The following AFF3 variants were observed in gnomAD, a reference collection of about 807,000 sequenced individuals.
AFF3 encodes the protein AF4/FMR2 family member 3.
A neutral mutation model predicts 129.7 loss-of-function variants in AFF3; 32 were observed. The ratio of observed to expected loss-of-function variants is 0.25; its 90% CI spans 0.19 to 0.33. The LOEUF (loss-of-function observed/expected upper bound fraction) is 0.33. AFF3 is among the 10% of genes least tolerant of loss of function. The probability of loss-of-function intolerance (pLI) is 1.00; values close to 1 mark genes in which losing one functional copy is unlikely to be tolerated. For synonymous variants in AFF3, 644 were observed against 635.4 expected (o/e 1.01, Z -0.20); for missense variants, 1,373 against 1,592.0 (o/e 0.86, Z 2.34).
Position 99,807,292 on chromosome 2 carries a change from A to G in AFF3, c.921+30185T>C, listed in dbSNP as rs373955612. On this transcript the variant is annotated intron_variant, in intron 8 of 24. Coordinates refer to ENST00000672756, the MANE Select transcript of AFF3 (RefSeq NM_001386135.1). The stretch of plus-strand genomic sequence containing the variant: ...AACGGAGTGGTGGGTGGGTTGCTGC[A>G]TGGTCTGTTGGCTCCCGAAGTCTAA... Among the ~76,000 whole-genome samples the G allele has an allele frequency of 3.9e-5, 6 of 152,272 alleles. No homozygotes were observed. In the South Asian group the frequency reaches 1.2e-3, roughly 32 times the overall value.
intron 7 of AFF3, among the ~76,000 whole-genome samples, chr2:99,954,433 A>G (rs970180653): frequency 6.6e-6 from 1 of 152,276 alleles, no homozygotes; most frequent in Non-Finnish European, 1.5e-5. Context: ...CCAAAGGACT[A>G]CAAATCATGC....
intron 7 of AFF3, among the ~76,000 whole-genome samples, chr2:99,885,353 T>C (rs1290309088): frequency 2.0e-5 from 3 of 152,230 alleles, no homozygotes; most frequent in Non-Finnish European, 4.4e-5. Context: ...CCCTCCTGTC[T>C]CACAGGGCTA....
intron 4 of AFF3, among the ~76,000 whole-genome samples, chr2:100,060,097 C>A (rs1041089214): frequency 6.6e-6 from 1 of 152,154 alleles, no homozygotes; most frequent in Non-Finnish European, 1.5e-5. Flanking sequence ...AACACACCCT[C>A]CATCCTCCTT....
chr2:99,847,288 G>T (rs566425283), intron 7 of AFF3, among the ~76,000 whole-genome samples: 2 of 151,756 alleles, frequency 1.3e-5, no homozygotes, highest in African/African-American at 4.8e-5. Flanking sequence ...CAATTCTCCC[G>T]CCTCAGCCTC....
At chr2:99,906,422 T>C (rs962645086) in intron 7 of AFF3, among the ~76,000 whole-genome samples, 1 of 152,132 alleles carries the variant, frequency 6.6e-6, no homozygotes, top group Non-Finnish European at 1.5e-5. Flanking sequence ...ACCCTACCCC[T>C]ATCTATCTGG....
chr2:99,904,872 G>T (rs540527368), intron 7 of AFF3, among the ~76,000 whole-genome samples: 1 of 152,064 alleles, frequency 6.6e-6, no homozygotes, highest in Non-Finnish European at 1.5e-5. Flanking sequence ...AGTTCGAGCC[G>T]TTCCCATATT....
chr2:100,100,743 A>G (rs2105470053), intron 4 of AFF3, among the ~76,000 whole-genome samples: 1 of 152,362 alleles, frequency 6.6e-6, no homozygotes, highest in South Asian at 2.1e-4. Flanking sequence ...TATTTGTTAA[A>G]CGAATTAAAT....
At chr2:99,906,879 T>C (rs760891883) in intron 7 of AFF3, among the ~76,000 whole-genome samples, 1 of 150,788 alleles carries the variant, frequency 6.6e-6, no homozygotes, top group Non-Finnish European at 1.5e-5. Context: ...ACACAATCTA[T>C]GTACACATCC....
At chr2:100,076,612 G>A (rs1395578636) in intron 4 of AFF3, among the ~76,000 whole-genome samples, 2 of 152,102 alleles carry the variant, frequency 1.3e-5, no homozygotes, top group Non-Finnish European at 2.9e-5. Context: ...CTGCTTCTGA[G>A]GACACTGAGG....
chr2:99,560,445 A>G lies in AFF3; in HGVS notation c.3120-9T>C. 1 of 1,611,886 alleles carries G rather than the reference A, an allele frequency of 6.2e-7. No individual in the cohort carries two copies. Among genetic ancestry groups the G allele is most frequent in the Non-Finnish European group, 8.5e-7 (1 of 1,179,102 alleles). On this transcript the variant is annotated splice_polypyrimidine_tract_variant and intron_variant, in intron 20 of 24. Coordinates refer to ENST00000672756, the MANE Select transcript of AFF3 (RefSeq NM_001386135.1). The stretch of plus-strand genomic sequence containing the variant: ...TTAGTCTCATAGCATACCTTAGAAA[A>G]AGCGGGGAGGAGGAATAGAATAAAA...
chr2:100,007,822 A>T (rs1682116595), intron 5 of AFF3: 1 of 221,534 alleles, frequency 4.5e-6, no homozygotes, highest in Non-Finnish European at 9.0e-6. Flanking sequence ...TAAAAATACA[A>T]AAATTAGTGG....
intron 4 of AFF3, among the ~76,000 whole-genome samples, chr2:100,018,796 G>A (rs560276448): frequency 1.3e-5 from 2 of 152,042 alleles, no homozygotes; most frequent in South Asian, 4.1e-4. Flanking sequence ...ATTTCAAAGA[G>A]CTCCCTTCCC....
At chr2:99,904,133 G>A (rs1353949604) in intron 7 of AFF3, among the ~76,000 whole-genome samples, 2 of 151,920 alleles carry the variant, frequency 1.3e-5, no homozygotes, top group African/African-American at 4.8e-5. Flanking sequence ...ACCATCTGAC[G>A]CTCAGCTGGA....
chr2:99,991,091 C>T (rs1680296802), intron 7 of AFF3, among the ~76,000 whole-genome samples: 1 of 152,120 alleles, frequency 6.6e-6, no homozygotes, highest in Non-Finnish European at 1.5e-5. Context: ...TACCATGCTG[C>T]TCACCTGCCC....
chr2:99,826,028 T>A (rs1014302548), intron 8 of AFF3, among the ~76,000 whole-genome samples: 1 of 152,160 alleles, frequency 6.6e-6, no homozygotes, highest in Non-Finnish European at 1.5e-5. Flanking sequence ...TTTTTTTAAT[T>A]TTTTGAGATG....
intron 10 of AFF3, among the ~76,000 whole-genome samples, chr2:99,731,893 C>A (rs912203552): frequency 2.6e-5 from 4 of 152,328 alleles, no homozygotes; most frequent in Admixed American, 6.5e-5. Context: ...TTAAATAGAG[C>A]ACGCATTTAG....
At chr2:99,789,165 G>A (rs569397143) in intron 8 of AFF3, among the ~76,000 whole-genome samples, 16 of 152,188 alleles carry the variant, frequency 1.1e-4, no homozygotes, top group Admixed American at 3.3e-4. Flanking sequence ...GGCCAGGTGC[G>A]GTGCCATGCC....
At chr2:99,592,941 C>G (rs199567173) in intron 15 of AFF3, among the ~76,000 whole-genome samples, 6 of 93,564 alleles carry the variant, frequency 6.4e-5, no homozygotes, top group Admixed American at 4.6e-4. Flanking sequence ...CTCCCCCCCC[C>G]CCAAAAAAAG....
At chr2:99,896,068 CAAAAAAAAAAAA>C (rs58471464) in intron 7 of AFF3, among the ~76,000 whole-genome samples, 3 of 63,082 alleles carry the variant, frequency 4.8e-5, no homozygotes, top group African/African-American at 6.1e-5. Flanking sequence ...GACTCCTTCT[CAAAAAAAAAAAA>C]AAAAAAAAAA....
Sources: allele counts gnomAD v4.1 joint callset (sites outside exome capture counted in the v4.1 genomes callset), GRCh38; gene constraint gnomAD v4.1.1; transcripts MANE v1.5; gene names NCBI Gene and HGNC (gene_info 2026-07-23, HGNC 2026-07-21).